HS3ST4: variants seen among roughly 807,000 people sequenced by gnomAD.
The protein encoded by HS3ST4 is heparan sulfate glucosamine 3-O-sulfotransferase 4.
A neutral mutation model predicts 29.2 loss-of-function variants in HS3ST4; 17 were observed. The ratio of observed to expected loss-of-function variants is 0.58; its 90% CI spans 0.40 to 0.87. The LOEUF is 0.87. HS3ST4 is among the 40% of genes least tolerant of loss of function. The probability of loss-of-function intolerance (pLI) is 0.00; values close to 1 mark genes in which losing one functional copy is unlikely to be tolerated. For synonymous variants in HS3ST4, 314 were observed against 285.7 expected (o/e 1.10, Z -1.00); for missense variants, 627 against 634.5 (o/e 0.99, Z 0.13).
At chr16:25,948,134 G>A (rs946185348) in intron 1 of HS3ST4, among the ~76,000 whole-genome samples, 15 of 152,036 alleles carry the variant, frequency 9.9e-5, no homozygotes, top group African/African-American at 1.9e-4. Context: ...GAACAGCTCC[G>A]ACAGTCTCAA....
chr16:25,831,597 T>A (rs1967301281), intron 1 of HS3ST4, among the ~76,000 whole-genome samples: 1 of 150,678 alleles, frequency 6.6e-6, no homozygotes, highest in South Asian at 2.1e-4. Context: ...TCCAAAAAAA[T>A]AAAAATAAAA....
intron 1 of HS3ST4, among the ~76,000 whole-genome samples, chr16:25,976,299 G>A (rs1968942762): frequency 6.6e-6 from 1 of 152,084 alleles, no homozygotes; most frequent in African/African-American, 2.4e-5. Flanking sequence ...CTCCAGGGAT[G>A]TCAGTTTATT....
chr16:25,970,546 G>A (rs1365580585), intron 1 of HS3ST4, among the ~76,000 whole-genome samples: 3 of 150,918 alleles, frequency 2.0e-5, no homozygotes, highest in Non-Finnish European at 2.9e-5. Context: ...GTCTAGCTCT[G>A]TTGCCCAGGC....
chr16:25,697,028 T>G (rs148789983), intron 1 of HS3ST4, among the ~76,000 whole-genome samples: 1 of 152,336 alleles, frequency 6.6e-6, no homozygotes, highest in African/African-American at 2.4e-5. Flanking sequence ...GCTGTCTAAT[T>G]TCAAAGGGCT....
rs775777458 is a variant in HS3ST4, at chr16:26,136,213, G to A, written c.1336G>A (p.Asp446Asn). The A allele has an allele frequency of 6.2e-7, 1 of 1,613,144 alleles. No homozygotes were observed. The highest frequency in any genetic ancestry group is 8.5e-7 in the Non-Finnish European group (1 of 1,179,670). Residue 446 changes from aspartate to asparagine, a missense_variant, in exon 2 of 2, where the codon GAT (aspartate) becomes AAT (asparagine). Asp to Asn is a conservative substitution (Grantham distance 23). This residue lies in a region of HS3ST4 where 225 missense variants were observed against 293.7 expected (regional missense o/e 0.77). Coordinates refer to ENST00000331351, the MANE Select transcript of HS3ST4 (RefSeq NM_006040.3). Reference sequence around the variant, plus strand: ...GATGTTTTACCAAATGACTGGTCAAGATTTTCAGTGGGAACAGGAAGAGGG... The same window carrying A: ...GATGTTTTACCAAATGACTGGTCAAAATTTTCAGTGGGAACAGGAAGAGGG... ...NLMFYQMTGQ[D>N]FQWEQEEGDK
At chr16:26,107,639 T>G (rs1322575290) in intron 1 of HS3ST4, among the ~76,000 whole-genome samples, 3 of 152,220 alleles carry the variant, frequency 2.0e-5, no homozygotes, top group Admixed American at 2.0e-4. Flanking sequence ...TGAGAACATA[T>G]GATATTTGGT....
intron 1 of HS3ST4, among the ~76,000 whole-genome samples, chr16:25,784,498 TAAGA>T (rs1966855561): frequency 6.6e-6 from 1 of 152,220 alleles, no homozygotes; most frequent in Non-Finnish European, 1.5e-5. Context: ...AAATGAATGA[TAAGA>T]AAGCAACACA....
intron 1 of HS3ST4, among the ~76,000 whole-genome samples, chr16:25,805,742 G>A (rs1481533222): frequency 6.6e-6 from 1 of 152,008 alleles, no homozygotes; most frequent in Admixed American, 6.5e-5. Context: ...CATGTGCAGG[G>A]TGTGCAGGTT....
chr16:25,768,045 G>A (rs892286736), intron 1 of HS3ST4, among the ~76,000 whole-genome samples: 12 of 152,144 alleles, frequency 7.9e-5, no homozygotes, highest in Non-Finnish European at 1.5e-5. Context: ...ATTTTACAGG[G>A]GGTGGCAGGG....
At chr16:25,915,412 T>C (rs1301068023) in intron 1 of HS3ST4, among the ~76,000 whole-genome samples, 1 of 152,226 alleles carries the variant, frequency 6.6e-6, no homozygotes, top group Admixed American at 6.5e-5. Context: ...TCCTTCCATT[T>C]CTTGGCCCTT....
chr16:25,900,144 C>T (rs530070781), intron 1 of HS3ST4, among the ~76,000 whole-genome samples: 6 of 152,260 alleles, frequency 3.9e-5, no homozygotes, highest in East Asian at 3.9e-4. Flanking sequence ...AGGTGTGTAA[C>T]GTTTATCTTG....
chr16:25,820,228 T>C (rs1257193993), intron 1 of HS3ST4, among the ~76,000 whole-genome samples: 4 of 151,930 alleles, frequency 2.6e-5, no homozygotes, highest in Non-Finnish European at 5.9e-5. Context: ...ACTGACCACC[T>C]GTGCTGTCTT....
At chr16:25,751,248 C>T (rs1008155679) in intron 1 of HS3ST4, among the ~76,000 whole-genome samples, 4 of 152,058 alleles carry the variant, frequency 2.6e-5, no homozygotes, top group African/African-American at 9.7e-5. Context: ...TCTGAAAGTG[C>T]GTGTGTGCGG....
Position 26,066,305 on chromosome 16 carries a change from T to C in HS3ST4, c.735-69307T>C, listed in dbSNP as rs957646364. 3.9e-5 allele frequency among the ~76,000 whole-genome samples: 6 copies of C among 152,220 alleles called. No individual in the cohort carries two copies. The South Asian group carries it at 6.2e-4, about 16-fold the overall frequency. Reference sequence around the variant, plus strand: ...TCTATCATATAAAACTTATTTTTCTTGGCCGAAAGTTTTTAAAAAGGAATT... The same window carrying C: ...TCTATCATATAAAACTTATTTTTCTCGGCCGAAAGTTTTTAAAAAGGAATT... On this transcript the variant is annotated intron_variant, in intron 1 of 1. Transcript: ENST00000331351.
chr16:25,786,561 T>C (rs1966857952), intron 1 of HS3ST4, among the ~76,000 whole-genome samples: 1 of 152,180 alleles, frequency 6.6e-6, no homozygotes, highest in Non-Finnish European at 1.5e-5. Context: ...GAGATAACTC[T>C]TTACCCTTTC....
intron 1 of HS3ST4, among the ~76,000 whole-genome samples, chr16:25,924,466 T>C (rs925313336): frequency 6.6e-6 from 1 of 152,206 alleles, no homozygotes; most frequent in African/African-American, 2.4e-5. Flanking sequence ...CTAGAAATCC[T>C]TTAGGTGCTT....
chr16:26,008,327 C>G (rs540094712), intron 1 of HS3ST4, among the ~76,000 whole-genome samples: 4 of 152,276 alleles, frequency 2.6e-5, no homozygotes, highest in African/African-American at 9.6e-5. Context: ...ATAAGGCTTA[C>G]TTCATTATGT....
At chr16:25,918,543 C>T (rs12448619) in intron 1 of HS3ST4, among the ~76,000 whole-genome samples, 22,323 of 152,154 alleles carry the variant, frequency 0.15, 1,854 homozygotes, top group Admixed American at 0.25. Context: ...GGGGCGCTGG[C>T]GTGAGGCCAA....
rs573441149 is a variant in HS3ST4, at chr16:25,713,801, A to G, written c.734+20650A>G. On this transcript the variant is annotated intron_variant, in intron 1 of 1. Coordinates refer to ENST00000331351, the MANE Select transcript of HS3ST4 (RefSeq NM_006040.3). ...CCTCAGAGAGAACACAACTCGGTCCATAACACAGAACAAATACTGTGTGAG... is the reference window on the plus strand; with the variant it reads ...CCTCAGAGAGAACACAACTCGGTCCGTAACACAGAACAAATACTGTGTGAG... Among the ~76,000 whole-genome samples, 4 of 152,308 alleles carry G rather than the reference A, an allele frequency of 2.6e-5. 1 individual carries two copies. The South Asian group carries it at 8.3e-4, about 32-fold the overall frequency.
Sources: gnomAD v4.1 joint callset for allele counts (sites outside exome capture counted in the v4.1 genomes callset) on GRCh38, gnomAD v4.1.1 for gene constraint, gnomAD v4.1.1 regional missense constraint, MANE v1.5 for transcripts, NCBI Gene and HGNC (gene_info 2026-07-23, HGNC 2026-07-21) for gene names.